Variants in MPP4 observed in about 807,000 individuals in gnomAD.
MPP4 encodes MAGUK p55 scaffold protein 4.
In MPP4, 91 loss-of-function variants were observed where a neutral mutation model predicts 98.3. That is an observed-to-expected ratio of 0.93 (90% confidence interval 0.78 to 1.10). The LOEUF is 1.10. Ranked by LOEUF, MPP4 falls within the 50% of genes least tolerant of loss-of-function variation. The pLI, the probability that MPP4 is intolerant of heterozygous loss-of-function variation, is 0.00. For missense variants in MPP4, 744 were observed against 792.9 expected, an observed-to-expected ratio of 0.94 and a Z score of 0.74; for synonymous variants, 261 against 271.8, an observed-to-expected ratio of 0.96 and a Z score of 0.39.
chr2:201,653,369 G>T (rs1046105644), intron 18 of MPP4, among the ~76,000 whole-genome samples: 1 of 152,090 alleles, frequency 6.6e-6, no homozygotes, highest in Non-Finnish European at 1.5e-5. Context: ...TGAGGGGAGG[G>T]GGAAGCAAGC....
chr2:201,657,976 T>G (rs998742248), intron 16 of MPP4, among the ~76,000 whole-genome samples: 7 of 151,448 alleles, frequency 4.6e-5, no homozygotes, highest in Non-Finnish European at 7.4e-5. Flanking sequence ...TTTGTTTTTT[T>G]TTTTTCACGC....
chr2:201,672,915 C>G (rs1559011495), intron 11 of MPP4, among the ~76,000 whole-genome samples: 2 of 151,944 alleles, frequency 1.3e-5, no homozygotes, highest in Non-Finnish European at 1.5e-5. Flanking sequence ...GACACACACA[C>G]AAAAAAAATT....
chr2:201,682,927 A>C lies in MPP4; in HGVS notation c.575-11T>G. On this transcript the variant is annotated splice_polypyrimidine_tract_variant and intron_variant, in intron 7 of 21. Coordinates refer to ENST00000409474, the MANE Select transcript of MPP4 (RefSeq NM_033066.3). ...CAGCATATAGCAACCCTAGGCAGACAGTAACAAAAAACAAAGAAAGATACA... is the reference window on the plus strand; with the variant it reads ...CAGCATATAGCAACCCTAGGCAGACCGTAACAAAAAACAAAGAAAGATACA... 6.2e-7 allele frequency: 1 copy of C among 1,610,644 alleles called. No homozygotes were observed. The highest frequency in any genetic ancestry group is 8.5e-7 in the Non-Finnish European group (1 of 1,177,140).
In MPP4 at chr2:201,660,289, A is replaced by C. The variant is rs1368067617; in HGVS notation, c.1087+43T>G. On this transcript the variant is annotated intron_variant, in intron 15 of 21. Coordinates refer to ENST00000409474, the MANE Select transcript of MPP4 (RefSeq NM_033066.3). ...ATTTTTGAGGCACTGAAAGATCTTA[A>C]ACATAGTTCTATTTGGTATATCTAG... 3.2e-6 allele frequency: 5 copies of C among 1,547,556 alleles called. No homozygotes were observed. The African/African-American group carries it at 5.4e-5, about 17-fold the overall frequency.
In MPP4 at chr2:201,687,340, G is replaced by A; in HGVS notation, c.311C>T (p.Ser104Phe). 6.3e-7 allele frequency: 1 copy of A among 1,585,022 alleles called. No individual in the cohort carries two copies. The highest frequency in any genetic ancestry group is 8.6e-7 in the Non-Finnish European group (1 of 1,163,882). Residue 104 changes from serine (S) to phenylalanine (F), a missense_variant, in exon 5 of 22, where the codon TCC (serine) becomes TTC (phenylalanine). Transcript: ENST00000409474. ...VVELLRETPT[S>F]PEIQELRQML... is the part of the protein sequence containing the mutation. ...TTGTCTCAGCTCTTGGATCTCAGGG[G>A]AAGTAGGGGTTTCACGTAATAACTC...
chr2:201,685,841 A>G, intron 6 of MPP4, 78 bp downstream of exon 6: 1 of 1,544,820 alleles, frequency 6.5e-7, no homozygotes. Flanking sequence ...CTACTGCCCA[A>G]GTAACCACTA....
intron 11 of MPP4, among the ~76,000 whole-genome samples, chr2:201,674,014 A>AC (rs1688425544): frequency 6.6e-6 from 1 of 152,324 alleles, no homozygotes; most frequent in African/African-American, 2.4e-5. Context: ...AGCATTTGCC[A>AC]CCATGGAGCC....
intron 2 of MPP4, among the ~76,000 whole-genome samples, chr2:201,693,645 T>C (rs1245483960): frequency 6.6e-6 from 1 of 152,234 alleles, no homozygotes; most frequent in Non-Finnish European, 1.5e-5. Context: ...ACATAAAACA[T>C]TGTCAGGTAA....
chr2:201,697,356 C>T (rs147870016), intron 1 of MPP4, among the ~76,000 whole-genome samples: 9 of 152,322 alleles, frequency 5.9e-5, no homozygotes, highest in South Asian at 2.1e-4. Flanking sequence ...GCTAAGAAAA[C>T]AGTTGCAACT....
intron 15 of MPP4, among the ~76,000 whole-genome samples, chr2:201,659,075 T>C (rs1228066240): frequency 6.6e-6 from 1 of 152,090 alleles, no homozygotes; most frequent in Non-Finnish European, 1.5e-5. Flanking sequence ...TTTGTATTTT[T>C]AGTAGAGATG....
At chr2:201,670,556 G>T (rs1035730604) in intron 11 of MPP4, among the ~76,000 whole-genome samples, 1 of 152,016 alleles carries the variant, frequency 6.6e-6, no homozygotes, top group Non-Finnish European at 1.5e-5. Context: ...AATCACACAG[G>T]CCACATAAGC....
At chr2:201,667,558 T>G (rs1688216831) in intron 12 of MPP4, among the ~76,000 whole-genome samples, 1 of 152,242 alleles carries the variant, frequency 6.6e-6, no homozygotes. Flanking sequence ...TAAATTGAGT[T>G]TTCTTTTAAA....
chr2:201,662,933 G>A (rs534668278), intron 14 of MPP4, among the ~76,000 whole-genome samples: 1 of 152,286 alleles, frequency 6.6e-6, no homozygotes, highest in South Asian at 2.1e-4. Flanking sequence ...TGTTTTTAAT[G>A]ATGTCAACAT....
intron 1 of MPP4, among the ~76,000 whole-genome samples, chr2:201,695,609 G>A: frequency 6.6e-6 from 1 of 152,064 alleles, no homozygotes; most frequent in Admixed American, 6.5e-5. Context: ...GGGGAACAGG[G>A]GCCAAGGGAG....
In MPP4 at chr2:201,678,988, T is replaced by C. The variant is rs556671309; in HGVS notation, c.929+1850A>G. 7.9e-5 allele frequency among the ~76,000 whole-genome samples: 12 copies of C among 152,302 alleles called. 2 individuals are homozygous for C. The South Asian group carries it at 2.5e-3, about 32-fold the overall frequency. ...CTTTCCCTCATTCAACCTCAGCCAC[T>C]GCCTCCCATTGTCATACCCAAGACC... On this transcript the variant is annotated intron_variant, in intron 10 of 21. Transcript: ENST00000409474.
intron 18 of MPP4, chr2:201,651,244 A>G (rs1469012011): frequency 4.2e-5 from 41 of 985,352 alleles, no homozygotes; most frequent in Non-Finnish European, 4.8e-5. Context: ...CAAAGGAGTT[A>G]CCAACCTTCA....
Position 201,645,179 on chromosome 2 carries a change from G to A in MPP4, c.*31C>T. On this transcript the variant is annotated 3_prime_UTR_variant, in exon 22 of 22. Coordinates refer to ENST00000409474, the MANE Select transcript of MPP4 (RefSeq NM_033066.3). Reference sequence around the variant, plus strand: ...TATGGATCGCTGTATCAAGGGTACAGTGTTAAAACTCCAGCATTAAACAAG... The same window carrying A: ...TATGGATCGCTGTATCAAGGGTACAATGTTAAAACTCCAGCATTAAACAAG... The A allele has an allele frequency of 1.9e-6, 3 of 1,584,560 alleles. No homozygotes were observed. Among genetic ancestry groups the A allele is most frequent in the Non-Finnish European group, 2.6e-6 (3 of 1,160,572 alleles).
At chr2:201,659,625 G>A (rs992737712) in intron 15 of MPP4, among the ~76,000 whole-genome samples, 2 of 152,170 alleles carry the variant, frequency 1.3e-5, no homozygotes, top group Non-Finnish European at 1.5e-5. Flanking sequence ...TTGAGGTCAG[G>A]AGTTCGAGAC....
At chr2:201,650,479 G>A in intron 18 of MPP4, 1 of 985,392 alleles carries the variant, frequency 1.0e-6, no homozygotes, top group Non-Finnish European at 1.2e-6. Flanking sequence ...TGAACCTTTA[G>A]ATGCCTGAAA....
Sources: gnomAD v4.1 joint callset for allele counts (sites outside exome capture counted in the v4.1 genomes callset) on GRCh38, gnomAD v4.1.1 for gene constraint, MANE v1.5 for transcripts, NCBI Gene and HGNC (gene_info 2026-07-23, HGNC 2026-07-21) for gene names.